The following IQCM variants were observed in gnomAD, a reference collection of about 807,000 sequenced individuals.
IQCM encodes IQ domain-containing protein M.
In IQCM, 45 loss-of-function variants were observed where a neutral mutation model predicts 57.6. That is an observed-to-expected ratio of 0.78 (90% CI 0.62 to 1.00). The LOEUF is 1.00. IQCM is among the 50% of genes least tolerant of loss of function. The pLI is 0.00. For missense variants in IQCM, 468 were observed against 511.6 expected (o/e 0.91, Z 0.82); for synonymous variants, 148 against 158.9 (o/e 0.93, Z 0.51).
chr4:149,586,798 T>C (rs543638353), intron 9 of IQCM, among the ~76,000 whole-genome samples: 2 of 151,864 alleles, frequency 1.3e-5, no homozygotes, highest in African/African-American at 2.4e-5. Flanking sequence ...TCTCCTGTTA[T>C]TATGAACACC....
chr4:149,363,822 T>G (rs2110933544), intron 13 of IQCM, among the ~76,000 whole-genome samples: 1 of 152,298 alleles, frequency 6.6e-6, no homozygotes, highest in Non-Finnish European at 1.5e-5. Flanking sequence ...AGTGAATAAA[T>G]TTCTGGCATT....
intron 12 of IQCM, among the ~76,000 whole-genome samples, chr4:149,522,426 C>T (rs1053734590): frequency 6.6e-6 from 1 of 152,146 alleles, no homozygotes; most frequent in Non-Finnish European, 1.5e-5. Flanking sequence ...GAGATGGAGA[C>T]AGAATAGCAC....
At chr4:149,517,688 C>T (rs1011053570) in intron 12 of IQCM, among the ~76,000 whole-genome samples, 6 of 152,062 alleles carry the variant, frequency 3.9e-5, no homozygotes, top group African/African-American at 1.2e-4. Flanking sequence ...AAAGGCAGAC[C>T]CATCCTTTAT....
chr4:149,728,014 A>G (rs1766111466), intron 5 of IQCM, among the ~76,000 whole-genome samples: 1 of 152,198 alleles, frequency 6.6e-6, no homozygotes, highest in Non-Finnish European at 1.5e-5. Flanking sequence ...AAAAACTACA[A>G]ACCAGGACTT....
chr4:149,666,942 T>C (rs532177452), intron 7 of IQCM, among the ~76,000 whole-genome samples: 6 of 152,152 alleles, frequency 3.9e-5, no homozygotes, highest in South Asian at 2.1e-4. Flanking sequence ...GTCTTAAAGA[T>C]AAAATTCCCA....
rs1290274021 is a variant in IQCM, at chr4:149,443,963, T to TTTTA, written c.1229-10407_1229-10406insTAAA. ...ATTAGTAGGATGTCAGTAGGGGAGA[T>TTTTA]TGATAATTCAGGAACTACTTTAAGT... On this transcript the variant is annotated intron_variant, in intron 12 of 13. Transcript: ENST00000636793. 3.3e-5 allele frequency among the ~76,000 whole-genome samples: 5 copies of TTTTA among 152,022 alleles called. No individual in the cohort carries two copies. In the East Asian group the frequency reaches 9.7e-4, roughly 30 times the overall value.
At chr4:149,416,455 G>A (rs1015833675) in intron 13 of IQCM, among the ~76,000 whole-genome samples, 1 of 151,954 alleles carries the variant, frequency 6.6e-6, no homozygotes, top group Non-Finnish European at 1.5e-5. Context: ...TCTTTCATAA[G>A]GCAGTGTTTC....
intron 13 of IQCM, among the ~76,000 whole-genome samples, chr4:149,372,792 G>T (rs895700311): frequency 6.6e-6 from 1 of 151,746 alleles, no homozygotes; most frequent in African/African-American, 2.4e-5. Context: ...TATTGTCATA[G>T]TTCCTTGGTT....
chr4:149,514,980 G>C (rs1354933452), intron 12 of IQCM, among the ~76,000 whole-genome samples: 1 of 151,936 alleles, frequency 6.6e-6, no homozygotes, highest in Non-Finnish European at 1.5e-5. Context: ...ACTCAGACTG[G>C]CTTCCTTGCT....
chr4:149,366,812 T>C (rs1370997704), intron 13 of IQCM, among the ~76,000 whole-genome samples: 1 of 151,932 alleles, frequency 6.6e-6, no homozygotes, highest in Non-Finnish European at 1.5e-5. Context: ...TGTTCCTCAA[T>C]AAGTTCTTTC....
At chr4:149,376,391 A>C (rs1415022981) in intron 13 of IQCM, among the ~76,000 whole-genome samples, 1 of 152,158 alleles carries the variant, frequency 6.6e-6, no homozygotes. Flanking sequence ...TTATAAAAAG[A>C]CTGAATAAAG....
chr4:149,612,629 G>T (rs1278446541), intron 8 of IQCM, among the ~76,000 whole-genome samples: 1 of 151,988 alleles, frequency 6.6e-6, no homozygotes, highest in Non-Finnish European at 1.5e-5. Flanking sequence ...AACAAAAAAA[G>T]CGGGTTTTTT....
chr4:149,428,815 A>G (rs1734629237), intron 13 of IQCM, among the ~76,000 whole-genome samples: 1 of 151,874 alleles, frequency 6.6e-6, no homozygotes, highest in Non-Finnish European at 1.5e-5. Flanking sequence ...AGGTTCTAGT[A>G]TTAATCACAT....
At chr4:149,369,280 G>A (rs1202221756) in intron 13 of IQCM, among the ~76,000 whole-genome samples, 10 of 151,516 alleles carry the variant, frequency 6.6e-5, no homozygotes, top group African/African-American at 2.4e-4. Context: ...CTGACTTCAG[G>A]TGATCCTCCT....
intron 13 of IQCM, among the ~76,000 whole-genome samples, chr4:149,408,094 T>C (rs1733110805): frequency 6.6e-6 from 1 of 152,130 alleles, no homozygotes; most frequent in Admixed American, 6.5e-5. Flanking sequence ...GTGATGTTTA[T>C]CTTTTTTATA....
intron 13 of IQCM, among the ~76,000 whole-genome samples, chr4:149,415,409 C>T (rs11099732): frequency 0.22 from 32,956 of 152,112 alleles, 4,477 homozygotes; most frequent in Non-Finnish European, 0.29. Flanking sequence ...CTATGTATTG[C>T]TTGCCTCGGT....
intron 12 of IQCM, among the ~76,000 whole-genome samples, 152 bp from the exon 13 acceptor site, chr4:149,433,709 A>G (rs560207432): frequency 3.3e-5 from 5 of 152,154 alleles, no homozygotes; most frequent in Admixed American, 2.6e-4. Context: ...TTACTTTACC[A>G]AAAATCTTCT....
Position 149,636,869 on chromosome 4 carries a change from C to A in IQCM, c.566-15625G>T, listed in dbSNP as rs151175646. 1.0e-3 allele frequency among the ~76,000 whole-genome samples: 153 copies of A among 152,176 alleles called. 3 individuals are homozygous for A. In the East Asian group the frequency reaches 0.026, roughly 26 times the overall value. On this transcript the variant is annotated intron_variant, in intron 7 of 13. Transcript: ENST00000636793. ...CTAGAAAGTGAATTTAGCGGCCGGG[C>A]GCGGTGGCTCACGCCTGTAATCCCA...
In IQCM at chr4:149,553,143, A is replaced by G. The variant is rs1264431498; in HGVS notation, c.1093T>C (p.Phe365Leu). The change falls in exon 11 of 14, where the codon TTC becomes CTC. Residue 365 changes from phenylalanine (F) to leucine (L), a missense_variant and splice_region_variant. Phe to Leu is a conservative substitution (Grantham distance 22, BLOSUM62 0). Coordinates refer to ENST00000636793, the MANE Select transcript of IQCM (RefSeq NM_001363507.2). The stretch of plus-strand genomic sequence containing the variant: ...AACCAGAAGTGTCTGCATCACTTAC[A>G]TTTTTTTCGGTCCATCCACTCCTCT... ...ELEEWMDRKK[F>L]YEIMFAKRED... is the part of the protein sequence containing the mutation. 7.3e-6 allele frequency: 9 copies of G among 1,231,742 alleles called. No homozygotes were observed. The highest frequency in any genetic ancestry group is 8.1e-6 in the Non-Finnish European group (8 of 987,648). 76.3% of individuals were successfully genotyped at this position (1,231,742 alleles called of 1,614,324 possible). A position where few individuals can be genotyped will look rare whatever the true frequency, so the allele number is the denominator to read the frequency against.
Sources: gnomAD v4.1 joint callset for allele counts (sites outside exome capture counted in the v4.1 genomes callset) on GRCh38, gnomAD v4.1.1 for gene constraint, MANE v1.5 for transcripts, NCBI Gene and HGNC (gene_info 2026-07-23, HGNC 2026-07-21) for gene names.